CCSER1: variants seen among roughly 807,000 people sequenced by gnomAD.
CCSER1 encodes the protein coiled-coil serine rich protein 1.
Under a neutral mutation model 82.0 loss-of-function variants are expected in CCSER1, and 41 were observed. That is an observed-to-expected ratio of 0.50 (90% confidence interval 0.39 to 0.65). The LOEUF (loss-of-function observed/expected upper bound fraction) is 0.65. Ranked by LOEUF, CCSER1 falls within the 30% of genes least tolerant of loss-of-function variation. The probability of loss-of-function intolerance (pLI) is 0.00; values close to 1 mark genes in which losing one functional copy is unlikely to be tolerated. For synonymous variants in CCSER1, 414 were observed against 383.9 expected (o/e 1.08, Z -0.92); for missense variants, 1,119 against 1,064.2 (o/e 1.05, Z -0.72).
chr4:91,178,551 A>G (rs1733652901), intron 10 of CCSER1, among the ~76,000 whole-genome samples: 1 of 151,988 alleles, frequency 6.6e-6, no homozygotes, highest in African/African-American at 2.4e-5. Flanking sequence ...TGATCCCTTT[A>G]CCATTATGTA....
chr4:90,990,455 A>G (rs1264347480), intron 9 of CCSER1, among the ~76,000 whole-genome samples: 2 of 151,984 alleles, frequency 1.3e-5, no homozygotes, highest in Non-Finnish European at 2.9e-5. Context: ...CTTAACGCTG[A>G]CAGCTCTTAA....
At chr4:91,179,669 T>A (rs1733800697) in intron 10 of CCSER1, among the ~76,000 whole-genome samples, 2 of 152,232 alleles carry the variant, frequency 1.3e-5, no homozygotes, top group African/African-American at 4.8e-5. Context: ...ATTTAATGTC[T>A]TCTGTATGCT....
At chr4:90,206,580 C>A (rs893898069) in intron 1 of CCSER1, among the ~76,000 whole-genome samples, 2 of 151,944 alleles carry the variant, frequency 1.3e-5, no homozygotes, top group Non-Finnish European at 2.9e-5. Context: ...GATTTCCATT[C>A]TTTTGCATTT....
chr4:91,003,070 G>A (rs937546841), intron 9 of CCSER1, among the ~76,000 whole-genome samples: 7 of 152,146 alleles, frequency 4.6e-5, no homozygotes, highest in East Asian at 1.9e-4. Flanking sequence ...GGTACCGGGG[G>A]TTGTCTGCAC....
At chr4:91,380,361 A>G (rs941216602) in intron 10 of CCSER1, among the ~76,000 whole-genome samples, 1 of 152,204 alleles carries the variant, frequency 6.6e-6, no homozygotes, top group South Asian at 2.1e-4. Flanking sequence ...AAAGTCTCCC[A>G]TTATTATTGT....
At chr4:91,274,921 C>G (rs953806186) in intron 10 of CCSER1, among the ~76,000 whole-genome samples, 2 of 151,846 alleles carry the variant, frequency 1.3e-5, no homozygotes, top group Non-Finnish European at 2.9e-5. Flanking sequence ...CTGGCTAACA[C>G]AGTGAAACCC....
intron 9 of CCSER1, among the ~76,000 whole-genome samples, chr4:91,020,566 T>G (rs530419122): frequency 5.1e-4 from 78 of 151,490 alleles, no homozygotes; most frequent in Middle Eastern, 6.8e-3. Context: ...GGAGGCTGAG[T>G]CAGGAGAATG....
At chr4:90,333,650 T>C (rs900398803) in intron 3 of CCSER1, among the ~76,000 whole-genome samples, 1 of 152,182 alleles carries the variant, frequency 6.6e-6, no homozygotes, top group African/African-American at 2.4e-5. Context: ...TGTCCACAAT[T>C]GTCAAAGTGT....
At chr4:90,947,404 C>T (rs1207604110) in intron 9 of CCSER1, among the ~76,000 whole-genome samples, 1 of 152,106 alleles carries the variant, frequency 6.6e-6, no homozygotes, top group African/African-American at 2.4e-5. Flanking sequence ...TAATATATCA[C>T]ATGTACATAA....
At chr4:90,577,305 A>C (rs1302382647) in intron 5 of CCSER1, among the ~76,000 whole-genome samples, 1 of 152,116 alleles carries the variant, frequency 6.6e-6, no homozygotes, top group Non-Finnish European at 1.5e-5. Context: ...AGAGTTCCTA[A>C]GGTAAAACTC....
intron 8 of CCSER1, among the ~76,000 whole-genome samples, chr4:90,842,934 G>A (rs1762753834): frequency 6.6e-6 from 1 of 152,156 alleles, no homozygotes; most frequent in Non-Finnish European, 1.5e-5. Context: ...CATGTGTGAG[G>A]AGGCTTTTGC....
At chr4:91,527,435 C>T (rs1023861990) in intron 10 of CCSER1, among the ~76,000 whole-genome samples, 1 of 151,944 alleles carries the variant, frequency 6.6e-6, no homozygotes, top group Non-Finnish European at 1.5e-5. Flanking sequence ...ATTTTGTTAC[C>T]AATGCACAAT....
chr4:91,500,205 T>C (rs1464930156), intron 10 of CCSER1, among the ~76,000 whole-genome samples: 1 of 152,036 alleles, frequency 6.6e-6, no homozygotes, highest in African/African-American at 2.4e-5. Flanking sequence ...TGTTTCAATT[T>C]GCAATGCCCT....
intron 10 of CCSER1, among the ~76,000 whole-genome samples, chr4:91,442,744 A>G (rs1357063071): frequency 1.4e-5 from 2 of 144,784 alleles, no homozygotes; most frequent in Non-Finnish European, 3.0e-5. Context: ...GCTAATATCC[A>G]GAATCTACAA....
At chr4:91,565,026 T>TTGTGTGTGTGTG (rs56723869) in intron 10 of CCSER1, among the ~76,000 whole-genome samples, 10 of 131,032 alleles carry the variant, frequency 7.6e-5, no homozygotes, top group Non-Finnish European at 1.5e-4. Context: ...GCACCTTGAG[T>TTGTGTGTGTGTG]TGTGTGTGTG....
chr4:91,160,241 C>A (rs929246075), intron 10 of CCSER1, among the ~76,000 whole-genome samples: 1 of 152,186 alleles, frequency 6.6e-6, no homozygotes, highest in African/African-American at 2.4e-5. Flanking sequence ...ATTTTCATGG[C>A]TGCATAGTAT....
At chr4:91,146,631 CT>C (rs905922392) in intron 10 of CCSER1, among the ~76,000 whole-genome samples, 2 of 149,132 alleles carry the variant, frequency 1.3e-5, no homozygotes, top group Non-Finnish European at 3.0e-5. Context: ...TTTTTATATT[CT>C]TTTTTTCCCT....
intron 10 of CCSER1, among the ~76,000 whole-genome samples, chr4:91,420,233 C>A (rs1474727498): frequency 1.3e-5 from 2 of 151,872 alleles, no homozygotes; most frequent in Non-Finnish European, 2.9e-5. Context: ...TTCAGCACAG[C>A]AAAGGAAACA....
chr4:90,207,344 A>G (rs1739055428), intron 1 of CCSER1, among the ~76,000 whole-genome samples: 1 of 152,152 alleles, frequency 6.6e-6, no homozygotes, highest in African/African-American at 2.4e-5. Context: ...CAGCTCCATC[A>G]GGTCATTTAT....
Sources: allele counts gnomAD v4.1 joint callset (sites outside exome capture counted in the v4.1 genomes callset), GRCh38; gene constraint gnomAD v4.1.1; transcripts MANE v1.5; gene names NCBI Gene and HGNC (gene_info 2026-07-23, HGNC 2026-07-21).